LEF1: variants seen among roughly 807,000 people sequenced by gnomAD.
LEF1 encodes the protein lymphoid enhancer binding factor 1.
In LEF1, 14 loss-of-function variants were observed where a neutral mutation model predicts 51.2. The observed-to-expected ratio is 0.27, with a 90% CI of 0.18 to 0.43. The LOEUF is 0.43. Among genes scored for constraint, LEF1 ranks in the 20% least tolerant of loss-of-function variants. LEF1 has a pLI of 1.00. For synonymous variants in LEF1, 185 were observed against 183.2 expected (o/e 1.01, Z -0.08); for missense variants, 386 against 512.0 (o/e 0.75, Z 2.37).
intron 11 of LEF1, among the ~76,000 whole-genome samples, chr4:108,062,750 G>A (rs1159050701): frequency 6.6e-6 from 1 of 152,178 alleles, no homozygotes; most frequent in East Asian, 1.9e-4. Context: ...CTGAACTAGG[G>A]CTATGGCAGT....
At chr4:108,098,400 T>C (rs1740528016) in intron 3 of LEF1, among the ~76,000 whole-genome samples, 1 of 152,088 alleles carries the variant, frequency 6.6e-6, no homozygotes, top group Admixed American at 6.5e-5. Context: ...GTTACCCAGA[T>C]ACGAAGTGCA....
In LEF1 at chr4:108,089,079, C is replaced by T. The variant is rs368917599; in HGVS notation, c.547+46G>A. 3.8e-5 allele frequency: 61 copies of T among 1,611,036 alleles called. No individual in the cohort carries two copies. The African/African-American group carries it at 6.7e-4, about 18-fold the overall frequency. On this transcript the variant is annotated intron_variant, in intron 4 of 11. Coordinates refer to ENST00000265165, the MANE Select transcript of LEF1 (RefSeq NM_016269.5). ...TCACTCAGGCTGATGAGATTTGGCT[C>T]TTCATTTGGCAAAAAAAAAGGGCCT...
intron 3 of LEF1, among the ~76,000 whole-genome samples, chr4:108,130,469 T>A (rs9999061): frequency 1.3e-5 from 2 of 151,218 alleles, no homozygotes; most frequent in Non-Finnish European, 2.9e-5. Flanking sequence ...CCTGCAATCC[T>A]AGCACTTTGT....
intron 6 of LEF1, 79 bp downstream of exon 6, chr4:108,081,507 A>C: frequency 8.6e-7 from 1 of 1,162,898 alleles, no homozygotes; most frequent in Non-Finnish European, 1.3e-6. Context: ...GCCAACCAAA[A>C]GGCAAGCAGA....
chr4:108,127,450 G>A (rs1742618635), intron 3 of LEF1, among the ~76,000 whole-genome samples: 1 of 152,186 alleles, frequency 6.6e-6, no homozygotes, highest in Non-Finnish European at 1.5e-5. Context: ...GCTAAAGAGA[G>A]AACTGGAGAA....
intron 3 of LEF1, among the ~76,000 whole-genome samples, chr4:108,122,997 G>C (rs1409942269): frequency 1.3e-5 from 2 of 152,184 alleles, no homozygotes; most frequent in Admixed American, 1.3e-4. Context: ...TGCATATGTT[G>C]ACTTTGGCTC....
At chr4:108,130,873 T>G (rs942541293) in intron 3 of LEF1, among the ~76,000 whole-genome samples, 1 of 152,122 alleles carries the variant, frequency 6.6e-6, no homozygotes, top group Non-Finnish European at 1.5e-5. Context: ...CATACAAAAT[T>G]TTTTTTCTTG....
At chr4:108,146,070 G>A (rs1743984663) in intron 3 of LEF1, among the ~76,000 whole-genome samples, 1 of 152,210 alleles carries the variant, frequency 6.6e-6, no homozygotes, top group Non-Finnish European at 1.5e-5. Context: ...TTTGCTGAAT[G>A]AATAAGTGAA....
intron 11 of LEF1, among the ~76,000 whole-genome samples, chr4:108,057,038 C>T (rs547230435): frequency 2.0e-4 from 31 of 152,130 alleles, no homozygotes; most frequent in African/African-American, 7.2e-4. Flanking sequence ...GGCTGCCGTG[C>T]GACACTTGGT....
At chr4:108,073,834 T>TTC (rs1560769478) in intron 8 of LEF1, among the ~76,000 whole-genome samples, 6 of 147,728 alleles carry the variant, frequency 4.1e-5, no homozygotes, top group African/African-American at 1.5e-4. Flanking sequence ...CCCCCCCCCC[T>TTC]TTTTTTTTTG....
chr4:108,124,134 C>G (rs1742359525), intron 3 of LEF1, among the ~76,000 whole-genome samples: 2 of 151,954 alleles, frequency 1.3e-5, no homozygotes. Context: ...AGAGACTCTA[C>G]CTTAAAAAAT....
At chr4:108,098,241 A>G (rs773744408) in intron 3 of LEF1, among the ~76,000 whole-genome samples, 2 of 152,122 alleles carry the variant, frequency 1.3e-5, no homozygotes, top group Non-Finnish European at 2.9e-5. Context: ...AGAGGGTGGA[A>G]GGGCTCTCCT....
intron 11 of LEF1, among the ~76,000 whole-genome samples, chr4:108,051,316 T>C (rs1736976390): frequency 6.6e-6 from 1 of 152,010 alleles, no homozygotes; most frequent in Non-Finnish European, 1.5e-5. Context: ...AGTTTGTCCC[T>C]GGTGGCTCTT....
intron 11 of LEF1, among the ~76,000 whole-genome samples, chr4:108,054,106 G>T (rs1438532487): frequency 6.6e-6 from 1 of 152,174 alleles, no homozygotes; most frequent in Non-Finnish European, 1.5e-5. Context: ...AACTTGTATG[G>T]GTTAGAGTGT....
chr4:108,074,235 T>C (rs539422309), intron 8 of LEF1, among the ~76,000 whole-genome samples: 51 of 152,346 alleles, frequency 3.3e-4, no homozygotes, highest in Non-Finnish European at 6.0e-4. Flanking sequence ...TCTATCTCTA[T>C]TTACTGCAAA....
In LEF1 at chr4:108,063,615, G is replaced by A. The variant is rs774955955; in HGVS notation, c.*6+8C>T. 1.4e-5 allele frequency: 22 copies of A among 1,591,402 alleles called. No homozygotes were observed. The highest frequency in any genetic ancestry group is 1.1e-4 in the African/African-American group (8 of 73,596). On this transcript the variant is annotated splice_region_variant and intron_variant, in intron 11 of 11. Transcript: ENST00000265165. ...ACGTCAGCAGTAGGACCAGAGAGTC[G>A]TTCTTACCATGTTTCAGATGTAGGC... is the stretch of plus-strand genomic sequence containing the variant.
intron 3 of LEF1, among the ~76,000 whole-genome samples, chr4:108,150,962 T>TA (rs1339496708): frequency 3.3e-5 from 5 of 152,204 alleles, no homozygotes; most frequent in African/African-American, 1.2e-4. Context: ...GCTTCATAGG[T>TA]AAGTGAAGTG....
chr4:108,109,693 T>A (rs1172076156), intron 3 of LEF1, among the ~76,000 whole-genome samples: 2 of 152,240 alleles, frequency 1.3e-5, no homozygotes, highest in Non-Finnish European at 2.9e-5. Flanking sequence ...ATGTAAGTTT[T>A]AATCTAGAAA....
chr4:108,159,557 A>G (rs2110414531), intron 3 of LEF1, among the ~76,000 whole-genome samples: 1 of 152,358 alleles, frequency 6.6e-6, no homozygotes, highest in Non-Finnish European at 1.5e-5. Context: ...ATTATTTTCA[A>G]AGGTATCCAA....
Sources: allele counts gnomAD v4.1 joint callset (sites outside exome capture counted in the v4.1 genomes callset), GRCh38; gene constraint gnomAD v4.1.1; transcripts MANE v1.5; gene names NCBI Gene and HGNC (gene_info 2026-07-23, HGNC 2026-07-21).